Variants in CYYR1 observed in about 807,000 individuals in gnomAD.
CYYR1 encodes cysteine and tyrosine-rich protein 1.
CYYR1 carries 14 observed loss-of-function variants against 15.2 expected under a neutral mutation model. The observed-to-expected ratio is 0.92, with a 90% CI of 0.61 to 1.44. CYYR1 has a LOEUF of 1.44. Ranked by LOEUF, CYYR1 falls within the 40% of genes most tolerant of loss-of-function variation. CYYR1 has a pLI of 0.00. For synonymous variants in CYYR1, 80 were observed against 77.4 expected, an observed-to-expected ratio of 1.03 and a Z score of -0.18; for missense variants, 228 against 209.5, an observed-to-expected ratio of 1.09 and a Z score of -0.54.
At position 26,559,649 on chromosome 21, in the gene CYYR1, A is replaced by T. The variant is rs1053100920; in HGVS notation, c.176+6617T>A. 2.0e-5 allele frequency among the ~76,000 whole-genome samples: 3 copies of T among 152,098 alleles called. No homozygotes were observed. In the South Asian group the frequency reaches 6.2e-4, roughly 31 times the overall value. ...TGGATTTTTTATTGTGGAGTGATGA[A>T]TTGATCTCATTTAATGTTTATGCAT... On this transcript the variant is annotated intron_variant, in intron 2 of 3. Coordinates refer to ENST00000652641, the MANE Select transcript of CYYR1 (RefSeq NM_001320768.2).
intron 2 of CYYR1, among the ~76,000 whole-genome samples, chr21:26,494,308 C>G (rs1338371924): frequency 6.6e-6 from 1 of 152,196 alleles, no homozygotes; most frequent in African/African-American, 2.4e-5. Flanking sequence ...TGAATATTGA[C>G]TAGCTGTAAT....
rs1467214583 is a variant in CYYR1 at position 26,496,759 on chromosome 21, T to C, written c.177-16330A>G. Among the ~76,000 whole-genome samples, 6 of 152,274 alleles carry C rather than the reference T, an allele frequency of 3.9e-5. No individual in the cohort carries two copies. In the South Asian group the frequency reaches 6.2e-4, roughly 16 times the overall value. On this transcript the variant is annotated intron_variant, in intron 2 of 3. Coordinates refer to ENST00000652641, the MANE Select transcript of CYYR1 (RefSeq NM_001320768.2). ...CCAAATTTGTGTAGACCCGGATAAA[T>C]AGAATATTTATTGATATTTATCCAA...
chr21:26,559,301 T>G (rs1281934870), intron 2 of CYYR1, among the ~76,000 whole-genome samples: 1 of 152,212 alleles, frequency 6.6e-6, no homozygotes, highest in Non-Finnish European at 1.5e-5. Flanking sequence ...ATTATCCTAT[T>G]CAGGCATTGC....
intron 3 of CYYR1, among the ~76,000 whole-genome samples, chr21:26,479,336 G>A (rs968968108): frequency 1.1e-4 from 16 of 151,616 alleles, no homozygotes; most frequent in African/African-American, 3.4e-4. Flanking sequence ...AGGAAGGACA[G>A]AACAGGGAAT....
At chr21:26,554,339 A>G (rs536940331) in intron 2 of CYYR1, among the ~76,000 whole-genome samples, 2 of 152,030 alleles carry the variant, frequency 1.3e-5, no homozygotes, top group African/African-American at 2.4e-5. Context: ...TATATATGTA[A>G]TTTTTTTCTA....
At chr21:26,507,646 G>T (rs2065587117) in intron 2 of CYYR1, among the ~76,000 whole-genome samples, 1 of 152,160 alleles carries the variant, frequency 6.6e-6, no homozygotes, top group Non-Finnish European at 1.5e-5. Context: ...TCAATCTGGG[G>T]TGATAAAATG....
chr21:26,530,095 C>T (rs908283217), intron 2 of CYYR1, among the ~76,000 whole-genome samples: 1 of 152,092 alleles, frequency 6.6e-6, no homozygotes, highest in African/African-American at 2.4e-5. Context: ...CAAACCTAAG[C>T]TGTATGACTT....
intron 2 of CYYR1, among the ~76,000 whole-genome samples, chr21:26,527,480 G>A (rs562751241): frequency 4.5e-4 from 69 of 152,190 alleles, no homozygotes; most frequent in African/African-American, 1.6e-3. Context: ...CAAAAAAAAT[G>A]CAGAATAGGC....
At chr21:26,483,673 C>A (rs2123413312) in intron 2 of CYYR1, among the ~76,000 whole-genome samples, 2 of 152,208 alleles carry the variant, frequency 1.3e-5, no homozygotes, top group East Asian at 3.9e-4. Flanking sequence ...ATCTCAGACA[C>A]CCAGTCTCTG....
At chr21:26,480,233 A>T (rs200857006) in intron 3 of CYYR1, 39 bp downstream of exon 3, 127 of 1,566,068 alleles carry the variant, frequency 8.1e-5, no homozygotes, top group Non-Finnish European at 1.1e-4. Context: ...GAGGATAACT[A>T]GCAAATCTGA....
intron 2 of CYYR1, among the ~76,000 whole-genome samples, chr21:26,562,106 C>G (rs1980243279): frequency 6.6e-6 from 1 of 152,178 alleles, no homozygotes; most frequent in African/African-American, 2.4e-5. Flanking sequence ...GTTTGAGAAT[C>G]AATCTGGTGG....
At position 26,512,876 on chromosome 21, in the gene CYYR1, A is replaced by G. The variant is rs898579670; in HGVS notation, c.177-32447T>C. Among the ~76,000 whole-genome samples the G allele has an allele frequency of 3.3e-5, 5 of 152,280 alleles. No individual in the cohort carries two copies. The East Asian group carries it at 9.7e-4, about 29-fold the overall frequency. On this transcript the variant is annotated intron_variant, in intron 2 of 3. Coordinates refer to ENST00000652641, the MANE Select transcript of CYYR1 (RefSeq NM_001320768.2). ...GGGACCCCTGGAGTTGGCTGTGCAT[A>G]ACCTGTGTGGCTGTATACTATAGCC... is the stretch of plus-strand genomic sequence containing the variant.
intron 2 of CYYR1, among the ~76,000 whole-genome samples, chr21:26,525,934 G>C (rs139208706): frequency 6.6e-6 from 1 of 152,104 alleles, no homozygotes; most frequent in Non-Finnish European, 1.5e-5. Context: ...ACCAAATACC[G>C]CATGTTCTCA....
chr21:26,547,906 A>G (rs922656549), intron 2 of CYYR1, among the ~76,000 whole-genome samples: 2 of 106,902 alleles, frequency 1.9e-5, no homozygotes, highest in African/African-American at 7.8e-5. Flanking sequence ...GGAAGCATAC[A>G]TTAGAGAATA....
chr21:26,535,524 G>A (rs1036939860), intron 2 of CYYR1, among the ~76,000 whole-genome samples: 23 of 152,274 alleles, frequency 1.5e-4, no homozygotes, highest in Middle Eastern at 3.4e-3. Context: ...CCTTCTATTC[G>A]TTTGAATAGA....
At position 26,466,931 on chromosome 21, in the gene CYYR1, T is replaced by A. The variant is rs1415491834; in HGVS notation, c.*1570A>T. The A allele has an allele frequency of 6.6e-6, 1 of 152,202 alleles. No homozygotes were observed. Among genetic ancestry groups the A allele is most frequent in the African/African-American group, 2.4e-5 (1 of 41,456 alleles). The allele number at this position is 152,202 out of a possible 1,614,324, so 9.4% of individuals were successfully genotyped here. A position where few individuals can be genotyped will look rare whatever the true frequency, so the allele number is the denominator to read the frequency against. ...TTGGACCTTACTGGCAGGTAGGTTA[T>A]ATTTCAGTCAGATCAATATCTTTCT... On this transcript the variant is annotated 3_prime_UTR_variant, in exon 4 of 4. Coordinates refer to ENST00000652641, the MANE Select transcript of CYYR1 (RefSeq NM_001320768.2).
chr21:26,480,047 A>C (rs1407676510), intron 3 of CYYR1, among the ~76,000 whole-genome samples: 1 of 152,158 alleles, frequency 6.6e-6, no homozygotes, highest in African/African-American at 2.4e-5. Flanking sequence ...GTAGTCAATG[A>C]AACAGACATT....
At chr21:26,477,604 CAA>C (rs1462948546) in intron 3 of CYYR1, 1 of 507,816 alleles carries the variant, frequency 2.0e-6, no homozygotes, top group Non-Finnish European at 2.5e-6. Flanking sequence ...TAACTTTATT[CAA>C]AGTTTGAACT....
intron 2 of CYYR1, among the ~76,000 whole-genome samples, chr21:26,483,709 G>T (rs529134917): frequency 2.6e-5 from 4 of 152,006 alleles, no homozygotes; most frequent in Non-Finnish European, 4.4e-5. Context: ...CTGTCTTTTG[G>T]GTTTCACTCT....
Sources: gnomAD v4.1 joint callset for allele counts (sites outside exome capture counted in the v4.1 genomes callset) on GRCh38, gnomAD v4.1.1 for gene constraint, MANE v1.5 for transcripts, NCBI Gene and HGNC (gene_info 2026-07-23, HGNC 2026-07-21) for gene names.